Variants in ZHX3 observed in about 807,000 individuals in gnomAD.
ZHX3 encodes the protein zinc fingers and homeoboxes 3, also known as zinc fingers and homeoboxes protein 3.
ZHX3 carries 20 observed loss-of-function variants against 64.5 expected under a neutral mutation model. The observed-to-expected ratio is 0.31, with a 90% confidence interval of 0.22 to 0.45. The LOEUF (loss-of-function observed/expected upper bound fraction) is 0.45. Among genes scored for constraint, ZHX3 ranks in the 20% least tolerant of loss-of-function variants. The pLI, the probability that ZHX3 is intolerant of heterozygous loss-of-function variation, is 1.00. For synonymous variants in ZHX3, 423 were observed against 461.6 expected, an observed-to-expected ratio of 0.92 and a Z score of 1.07; for missense variants, 1,041 against 1,195.8, an observed-to-expected ratio of 0.87 and a Z score of 1.91.
At chr20:41,290,382 T>C (rs1056088158) in intron 1 of ZHX3, 9 of 152,258 alleles carry the variant, frequency 5.9e-5, no homozygotes, top group Non-Finnish European at 8.8e-5. Context: ...TCTTTGTTTC[T>C]GACCTAGACA....
chr20:41,215,451 TAA>T (rs1209644873), intron 2 of ZHX3, among the ~76,000 whole-genome samples: 2 of 152,312 alleles, frequency 1.3e-5, no homozygotes, highest in Non-Finnish European at 2.9e-5. Context: ...ATAAAAATCT[TAA>T]AGTGTTTATC....
intron 2 of ZHX3, among the ~76,000 whole-genome samples, chr20:41,227,762 G>A (rs1014477858): frequency 2.6e-5 from 4 of 152,004 alleles, no homozygotes; most frequent in Non-Finnish European, 5.9e-5. Flanking sequence ...GTTACATATT[G>A]GTTTGTTATT....
Position 41,179,178 on chromosome 20 carries a change from G to C in ZHX3, c.*6013C>G, listed in dbSNP as rs1044425019. 6.6e-6 allele frequency: 1 copy of C among 152,192 alleles called. No homozygotes were observed. The highest frequency in any genetic ancestry group is 1.5e-5 in the Non-Finnish European group (1 of 68,058). 9.4% of individuals were successfully genotyped at this position (152,192 alleles called of 1,614,324 possible). On this transcript the variant is annotated 3_prime_UTR_variant, in exon 4 of 4. Transcript: ENST00000683867. The surrounding 1 kb of genome is among the most constrained non-coding windows in gnomAD (Gnocchi z 4.3). ...GCAGGGGAGAAAGGAAGGTGGGCGT[G>C]TTTTCTCTTTAATAACAATTATGGC...
chr20:41,233,033 T>A (rs979902919), intron 2 of ZHX3, among the ~76,000 whole-genome samples: 1 of 152,252 alleles, frequency 6.6e-6, no homozygotes, highest in African/African-American at 2.4e-5. Flanking sequence ...TTCTCCCTGT[T>A]ACCAGGAGGT....
At position 41,204,532 on chromosome 20, in the gene ZHX3, C is replaced by A. The variant is rs751156677; in HGVS notation, c.385G>T (p.Ala129Ser). 6.2e-7 allele frequency: 1 copy of A among 1,614,196 alleles called. No homozygotes were observed. ...KTPEGLSLHN[A>S]TCHSGEASFV... is the part of the protein sequence containing the mutation. ...CTGGCTTCCCCGGAGTGACATGTGG[C>A]ATTGTGCAAGGAAAGCCCCTCAGGG... is the stretch of plus-strand genomic sequence containing the variant. Residue 129 changes from alanine (A) to serine (S), a missense_variant, in exon 3 of 4, where the codon GCC becomes TCC. Physicochemically the swap from Ala to Ser is moderately conservative, Grantham distance 99. Transcript: ENST00000683867. The surrounding 1 kb of genome is among the most constrained non-coding windows in gnomAD (Gnocchi z 6.6).
intron 1 of ZHX3, among the ~76,000 whole-genome samples, chr20:41,303,911 C>T (rs571180836): frequency 1.3e-5 from 2 of 152,306 alleles, no homozygotes; most frequent in Admixed American, 6.5e-5. Context: ...ACTTCATTAC[C>T]ATGGATTCTC....
At chr20:41,188,279 T>C (rs1040190026) in intron 3 of ZHX3, among the ~76,000 whole-genome samples, 7 of 152,212 alleles carry the variant, frequency 4.6e-5, no homozygotes, top group African/African-American at 1.7e-4. Flanking sequence ...GACATCTCAT[T>C]GTGGTTTTGA....
At chr20:41,285,965 G>A (rs1358411785) in intron 1 of ZHX3, among the ~76,000 whole-genome samples, 6 of 152,132 alleles carry the variant, frequency 3.9e-5, no homozygotes, top group Non-Finnish European at 5.9e-5. Flanking sequence ...AACTATCAGC[G>A]AAGAGTTCTT....
chr20:41,235,227 T>G (rs972516202), intron 2 of ZHX3, among the ~76,000 whole-genome samples: 7 of 152,090 alleles, frequency 4.6e-5, no homozygotes, highest in African/African-American at 1.7e-4. Context: ...AAAAACCGGC[T>G]GTGTATAGCT....
intron 2 of ZHX3, among the ~76,000 whole-genome samples, chr20:41,218,969 G>A (rs973117577): frequency 2.5e-4 from 32 of 128,906 alleles, no homozygotes; most frequent in Non-Finnish European, 2.9e-4. Flanking sequence ...TCGCTCTGTC[G>A]CCTAGGCTGG....
At chr20:41,313,938 C>T (rs2045219814) in intron 1 of ZHX3, among the ~76,000 whole-genome samples, 1 of 152,148 alleles carries the variant, frequency 6.6e-6, no homozygotes, top group Non-Finnish European at 1.5e-5. Context: ...TTAGGATTCC[C>T]CCCTTACCAC....
chr20:41,257,252 C>G (rs1398962787), intron 2 of ZHX3, among the ~76,000 whole-genome samples: 2 of 152,160 alleles, frequency 1.3e-5, no homozygotes, highest in Non-Finnish European at 2.9e-5. Flanking sequence ...ACCTGTGATT[C>G]TCTATAAAGC....
In ZHX3 at chr20:41,202,596, T is replaced by C. The variant is rs2038327230; in HGVS notation, c.2321A>G (p.Gln774Arg). 1 of 1,613,874 alleles carries C rather than the reference T, an allele frequency of 6.2e-7. No individual in the cohort carries two copies. The highest frequency in any genetic ancestry group is 1.3e-5 in the African/African-American group (1 of 74,918). The change falls in exon 3 of 4, where the codon CAG becomes CGG. Residue 774 changes from glutamine (Q) to arginine (R), a missense_variant. By Grantham distance (43) the Gln-to-Arg change is conservative (BLOSUM62 1). Around this residue, in one of 4 missense-constraint regions of ZHX3, gnomAD observed 649 missense variants for 739.8 expected, o/e 0.88. Transcript: ENST00000683867. This position sits in a 1 kb window ranked among gnomAD's most constrained non-coding sequence, Gnocchi z 7.0. ...PGKVSCKKTA[Q>R]QRHLLRQLFV... ...GAGCTGCCGCAGCAAGTGCCGCTGC[T>C]GGGCAGTCTTTTTGCAGCTCACTTT...
At chr20:41,234,957 T>G (rs1248700157) in intron 2 of ZHX3, among the ~76,000 whole-genome samples, 2 of 152,350 alleles carry the variant, frequency 1.3e-5, no homozygotes, top group East Asian at 3.9e-4. Flanking sequence ...AAGGTTGTCC[T>G]TGTAAGTCTC....
At chr20:41,197,439 T>C (rs56668103) in intron 3 of ZHX3, among the ~76,000 whole-genome samples, 38,082 of 147,654 alleles carry the variant, frequency 0.26, 5,702 homozygotes, top group East Asian at 0.73. Context: ...ATATTTTTTT[T>C]CTCCAGAAAA....
chr20:41,253,278 A>T (rs1368827582), intron 2 of ZHX3, among the ~76,000 whole-genome samples: 3 of 151,954 alleles, frequency 2.0e-5, no homozygotes, highest in African/African-American at 7.3e-5. Flanking sequence ...ACTTGGAGTA[A>T]AAGTGTCCCT....
intron 1 of ZHX3, among the ~76,000 whole-genome samples, chr20:41,312,588 G>C (rs1193471331): frequency 6.6e-6 from 1 of 152,206 alleles, no homozygotes; most frequent in Non-Finnish European, 1.5e-5. Flanking sequence ...CATGTGCTGA[G>C]ATAGAGGACA....
At chr20:41,216,298 C>CA (rs1273967816) in intron 2 of ZHX3, among the ~76,000 whole-genome samples, 2 of 152,084 alleles carry the variant, frequency 1.3e-5, no homozygotes, top group South Asian at 2.1e-4. Context: ...TACTTTGTTT[C>CA]AAATTATGCT....
intron 1 of ZHX3, among the ~76,000 whole-genome samples, chr20:41,280,769 C>T (rs549196775): frequency 6.6e-6 from 1 of 151,556 alleles, no homozygotes; most frequent in South Asian, 2.1e-4. Flanking sequence ...AGGGGCATAA[C>T]CAAAGACAAA....
Sources: allele counts gnomAD v4.1 joint callset (sites outside exome capture counted in the v4.1 genomes callset), GRCh38; gene constraint gnomAD v4.1.1; regional missense constraint gnomAD v4.1.1; non-coding constraint Gnocchi (gnomAD v3.1); transcripts MANE v1.5; gene names NCBI Gene and HGNC (gene_info 2026-07-23, HGNC 2026-07-21).